FYB2: variants seen among roughly 807,000 people sequenced by gnomAD.
FYB2 encodes FYN binding protein 2.
Under a neutral mutation model 94.1 loss-of-function variants are expected in FYB2, and 103 were observed. The ratio of observed to expected loss-of-function variants is 1.09; its 90% confidence interval spans 0.93 to 1.29. FYB2 has a LOEUF of 1.29. Ranked by LOEUF, FYB2 falls within the 50% of genes most tolerant of loss-of-function variation. FYB2 has a pLI of 0.00. For synonymous variants in FYB2, 293 were observed against 287.9 expected, an observed-to-expected ratio of 1.02 and a Z score of -0.18; for missense variants, 896 against 841.5, an observed-to-expected ratio of 1.06 and a Z score of -0.80.
chr1:56,788,552 T>C (rs1269453826), intron 3 of FYB2, among the ~76,000 whole-genome samples: 2 of 152,174 alleles, frequency 1.3e-5, no homozygotes, highest in South Asian at 2.1e-4. Context: ...AAGCAGATTA[T>C]GGAGGCCTGA....
chr1:56,779,175 G>A, intron 4 of FYB2, among the ~76,000 whole-genome samples: 1 of 151,968 alleles, frequency 6.6e-6, no homozygotes, highest in East Asian at 1.9e-4. Context: ...AATATATATA[G>A]GTATAAAGAA....
At chr1:56,787,917 A>G (rs1022834401) in intron 3 of FYB2, among the ~76,000 whole-genome samples, 1 of 152,232 alleles carries the variant, frequency 6.6e-6, no homozygotes, top group Non-Finnish European at 1.5e-5. Flanking sequence ...GGAGCTGTCC[A>G]TATCAGTAAA....
chr1:56,788,961 G>T lies in FYB2; in HGVS notation c.919+12C>A, dbSNP rs1183043625. 4 of 1,613,874 alleles carry T rather than the reference G, an allele frequency of 2.5e-6. No individual in the cohort carries two copies. The highest frequency in any genetic ancestry group is 1.7e-5 in the Admixed American group (1 of 59,998). ...TGGTTGGCCTTGTGTAGGGCCCTGT[G>T]CATTTCCTTACCTTCCCCCTGAGTC... On this transcript the variant is annotated intron_variant, in intron 3 of 19. Transcript: ENST00000343433.
intron 16 of FYB2, 106 bp downstream of exon 16, chr1:56,726,391 G>T: frequency 3.0e-6 from 3 of 988,290 alleles, no homozygotes; most frequent in Non-Finnish European, 4.6e-6. Flanking sequence ...TCTTGTAGAT[G>T]AAACAGCTGA....
At position 56,719,451 on chromosome 1, in the gene FYB2, T is replaced by C. The variant is rs1644444164; in HGVS notation, c.*220A>G. ...TCTCTTGAACTGACAGTGAAGTAGA[T>C]ACTGAAATAGACATTGAAAGATAAC... On this transcript the variant is annotated 3_prime_UTR_variant, in exon 20 of 20. Transcript: ENST00000343433. 2.0e-6 allele frequency: 1 copy of C among 491,252 alleles called. No homozygotes were observed. Among genetic ancestry groups the C allele is most frequent in the Non-Finnish European group, 3.6e-6 (1 of 278,480 alleles). The allele number at this position is 491,252 out of a possible 1,614,324, so 30.4% of individuals were successfully genotyped here.
chr1:56,782,416 G>A (rs1237374803), intron 4 of FYB2, among the ~76,000 whole-genome samples: 8 of 151,800 alleles, frequency 5.3e-5, no homozygotes, highest in Non-Finnish European at 7.4e-5. Context: ...TTTACTTGAA[G>A]GCCTTTGATA....
At chr1:56,793,112 C>T (rs909303110) in intron 1 of FYB2, among the ~76,000 whole-genome samples, 6 of 152,092 alleles carry the variant, frequency 3.9e-5, no homozygotes, top group African/African-American at 1.4e-4. Context: ...GGAGAAACCC[C>T]TTGATACAAA....
intron 4 of FYB2, among the ~76,000 whole-genome samples, chr1:56,781,223 T>A (rs1738402): frequency 0.19 from 28,744 of 152,134 alleles, 3,035 homozygotes; most frequent in East Asian, 0.28. Context: ...AAGCTCAAAG[T>A]CCTTTCAGGA....
chr1:56,723,653 TG>T lies in FYB2; in HGVS notation c.1908del (p.Lys637ArgfsTer5). On this transcript the variant is annotated frameshift_variant, in exon 17 of 20. Transcript: ENST00000343433. LOFTEE classifies it high-confidence loss of function. ...CTGTTCTTTTCTAAGTTTTGCTTCT[TG>T]GTTTTGAAGAAATTTCTAGGAGAGA... is the stretch of plus-strand genomic sequence containing the variant. The part of the protein sequence containing the change: ...ESFSPRNFFK[T>X]KKQNLEKNRM... 6.4e-7 allele frequency: 1 copy of T among 1,568,706 alleles called. No homozygotes were observed. The highest frequency in any genetic ancestry group is 8.7e-7 in the Non-Finnish European group (1 of 1,143,636).
At chr1:56,750,822 C>G (rs916181467) in intron 9 of FYB2, among the ~76,000 whole-genome samples, 15 of 151,984 alleles carry the variant, frequency 9.9e-5, no homozygotes, top group African/African-American at 3.4e-4. Flanking sequence ...AAGTCACTTA[C>G]CACACAGCTT....
intron 4 of FYB2, among the ~76,000 whole-genome samples, chr1:56,778,425 C>G (rs1645932301): frequency 6.6e-6 from 1 of 152,188 alleles, no homozygotes; most frequent in Non-Finnish European, 1.5e-5. Flanking sequence ...GTGTCTGGCA[C>G]ATTGTAGGCT....
chr1:56,806,265 T>C (rs1646645654), intron 1 of FYB2, among the ~76,000 whole-genome samples: 1 of 152,152 alleles, frequency 6.6e-6, no homozygotes, highest in African/African-American at 2.4e-5. Context: ...AGAGAGAACT[T>C]TCCAGAGAAA....
Position 56,732,201 on chromosome 1 carries a change from A to T in FYB2, c.1793+4886T>A, listed in dbSNP as rs12036016. On this transcript the variant is annotated intron_variant, in intron 15 of 19. Transcript: ENST00000343433. ...ATACATGAACAATGAACTAGCTGAA[A>T]ATGAGATCAAGAAGGCAATCTGGTT... Among the ~76,000 whole-genome samples, 366 of 152,284 alleles carry T rather than the reference A, an allele frequency of 2.4e-3. 6 individuals are homozygous for T. The East Asian group carries it at 0.038, about 16-fold the overall frequency.
intron 5 of FYB2, among the ~76,000 whole-genome samples, chr1:56,760,984 G>T (rs930885517): frequency 5.9e-5 from 9 of 152,098 alleles, no homozygotes; most frequent in African/African-American, 2.2e-4. Context: ...CAGAGTCCTC[G>T]CTTACTTTCT....
chr1:56,746,019 C>T (rs1022790987), intron 9 of FYB2, among the ~76,000 whole-genome samples: 3 of 151,944 alleles, frequency 2.0e-5, no homozygotes, highest in Non-Finnish European at 1.5e-5. Context: ...AATCTATGAG[C>T]ACTTTAAAAT....
chr1:56,791,525 G>A (rs1380596191), intron 2 of FYB2, among the ~76,000 whole-genome samples: 1 of 152,138 alleles, frequency 6.6e-6, no homozygotes, highest in Non-Finnish European at 1.5e-5. Flanking sequence ...TGGGATAACA[G>A]GCATAAGCCA....
chr1:56,794,898 C>G (rs1220648137), intron 1 of FYB2, among the ~76,000 whole-genome samples: 1 of 152,018 alleles, frequency 6.6e-6, no homozygotes. Flanking sequence ...ATATTTCTGA[C>G]AGCAGTTCAG....
chr1:56,787,058 CTG>C lies in FYB2; in HGVS notation c.953+115_953+116del, dbSNP rs1199522508. On this transcript the variant is annotated intron_variant, in intron 4 of 19. Coordinates refer to ENST00000343433, the MANE Select transcript of FYB2 (RefSeq NM_001004303.5). ...TTTGTTGCTTATAAGTTCACTGCTT[CTG>C]AAACCCTTCTGAGAAATACAGATTC... is the stretch of plus-strand genomic sequence containing the variant. 3 of 1,160,858 alleles carry C rather than the reference CTG, an allele frequency of 2.6e-6. No homozygotes were observed. In the African/African-American group the frequency reaches 4.6e-5, roughly 18 times the overall value. The allele number at this position is 1,160,858 out of a possible 1,614,324, so 71.9% of individuals were successfully genotyped here.
At chr1:56,755,767 A>G (rs1003190431) in intron 7 of FYB2, 129 bp downstream of exon 7, 1 of 870,830 alleles carries the variant, frequency 1.1e-6, no homozygotes, top group Non-Finnish European at 1.8e-6. Context: ...GGCACCTTGC[A>G]AGGTGCCGGG....
Sources: gnomAD v4.1 joint callset for allele counts (sites outside exome capture counted in the v4.1 genomes callset) on GRCh38, gnomAD v4.1.1 for gene constraint, MANE v1.5 for transcripts, NCBI Gene and HGNC (gene_info 2026-07-23, HGNC 2026-07-21) for gene names.